The following DEAF1 variants were observed in gnomAD, a reference collection of about 807,000 sequenced individuals.
DEAF1 encodes the protein DEAF1 transcription factor, also known as deformed epidermal autoregulatory factor 1 homolog.
In DEAF1, 53 loss-of-function variants were observed where a neutral mutation model predicts 58.9. The ratio of observed to expected loss-of-function variants is 0.90; its 90% confidence interval spans 0.72 to 1.13. The LOEUF (loss-of-function observed/expected upper bound fraction) is 1.13, where lower values mean the gene tolerates loss of function less well. Among genes scored for constraint, DEAF1 ranks in the 50% most tolerant of loss-of-function variants. The pLI, the probability that DEAF1 is intolerant of heterozygous loss-of-function variation, is 0.00. For synonymous variants in DEAF1, 385 were observed against 340.4 expected, an observed-to-expected ratio of 1.13 and a Z score of -1.44; for missense variants, 685 against 791.4, an observed-to-expected ratio of 0.87 and a Z score of 1.61.
intron 6 of DEAF1, among the ~76,000 whole-genome samples, chr11:682,401 A>G (rs1164486554): frequency 6.6e-6 from 1 of 152,172 alleles, no homozygotes; most frequent in Non-Finnish European, 1.5e-5. Flanking sequence ...GCTGACCTAC[A>G]GTTTAGTTTC....
intron 1 of DEAF1, chr11:693,595 CTG>C (rs1860930757): frequency 6.6e-6 from 1 of 152,312 alleles, no homozygotes; most frequent in Non-Finnish European, 1.5e-5. Flanking sequence ...CAACACTGAG[CTG>C]TGAGTCCCTG....
rs150133378 is a variant in DEAF1, at chr11:670,127, C to T, written c.1503+4409G>A. On this transcript the variant is annotated intron_variant, in intron 10 of 11. Transcript: ENST00000382409. ...AGTGACTGTCCATGGGGCAGGGGACCGATGGAAGGGGACATGAGTGGTGCT... is the reference window on the plus strand; with the variant it reads ...AGTGACTGTCCATGGGGCAGGGGACTGATGGAAGGGGACATGAGTGGTGCT... Among the ~76,000 whole-genome samples, 229 of 151,106 alleles carry T rather than the reference C, an allele frequency of 1.5e-3. 2 individuals are homozygous for T. Among genetic ancestry groups the T allele is most frequent in the Middle Eastern group, 6.9e-3 (2 of 288 alleles).
chr11:682,997 G>A (rs1179943338), intron 6 of DEAF1, among the ~76,000 whole-genome samples: 1 of 152,186 alleles, frequency 6.6e-6, no homozygotes, highest in Non-Finnish European at 1.5e-5. Flanking sequence ...CAGAAAGGGA[G>A]GGAAGGAGCT....
intron 1 of DEAF1, chr11:705,493 G>T: frequency 6.5e-6 from 1 of 153,562 alleles, no homozygotes; most frequent in Non-Finnish European, 1.4e-5. Flanking sequence ...TGCAAGGAGA[G>T]AGGCATCCTG....
intron 10 of DEAF1, among the ~76,000 whole-genome samples, chr11:670,525 G>A (rs576648836): frequency 4.1e-4 from 62 of 151,186 alleles, no homozygotes; most frequent in African/African-American, 1.3e-3. Context: ...GACCAGCCTC[G>A]CCAACATGGC....
rs71022946 is a variant in DEAF1 at position 653,083 on chromosome 11, CAAAAAA to C, written c.1593+873_1593+878del. Among the ~76,000 whole-genome samples, 12 of 62,270 alleles carry C rather than the reference CAAAAAA, an allele frequency of 1.9e-4. No individual in the cohort carries two copies. The South Asian group carries it at 4.6e-3, about 24-fold the overall frequency. 40.9% of individuals were successfully genotyped at this position (62,270 alleles called of 152,430 possible). A position where few individuals can be genotyped will look rare whatever the true frequency, so the allele number is the denominator to read the frequency against. On this transcript the variant is annotated intron_variant, in intron 11 of 11. Transcript: ENST00000382409. ...TGGGTGACAGAATGAGACTCTGTCT[CAAAAAA>C]AAAAAAAAAAAAAAAAAAAAAGAGT...
At chr11:665,364 A>G (rs1859479713) in intron 10 of DEAF1, among the ~76,000 whole-genome samples, 2 of 152,210 alleles carry the variant, frequency 1.3e-5, no homozygotes, top group East Asian at 1.9e-4. Context: ...CAGCTATTCA[A>G]GTAATGGCTT....
intron 10 of DEAF1, among the ~76,000 whole-genome samples, chr11:660,190 C>T (rs1429822210): frequency 6.6e-6 from 1 of 152,222 alleles, no homozygotes; most frequent in African/African-American, 2.4e-5. Context: ...ACCCTCAAAA[C>T]ATCAAGCAGG....
rs200063885 is a variant in DEAF1, at chr11:650,672, G to T, written c.1593+3290C>A. Among the ~76,000 whole-genome samples the T allele has an allele frequency of 2.0e-4, 31 of 152,096 alleles. No homozygotes were observed. In the East Asian group the frequency reaches 5.9e-3, roughly 29 times the overall value. On this transcript the variant is annotated intron_variant, in intron 11 of 11. Transcript: ENST00000382409. ...AAAGGTTTTTTTTAAAAAGATGCAGGCTGGGCGCAGTGACTCATGCCTGTC... is the reference window on the plus strand; with the variant it reads ...AAAGGTTTTTTTTAAAAAGATGCAGTCTGGGCGCAGTGACTCATGCCTGTC...
intron 1 of DEAF1, chr11:700,932 G>A: frequency 3.4e-6 from 2 of 586,272 alleles, no homozygotes; most frequent in Non-Finnish European, 6.1e-6. Context: ...GAGAGACTCT[G>A]TGTTTGGAAG....
chr11:698,143 A>T (rs1861283810), upstream of DEAF1: 1 of 153,196 alleles, frequency 6.5e-6, no homozygotes, highest in African/African-American at 2.4e-5. Flanking sequence ...GGACGTGCAC[A>T]TATCACACGT....
At position 654,195 on chromosome 11, in the gene DEAF1, G is replaced by A. The variant is rs546086924; in HGVS notation, c.1504-144C>T. ...TTTTTTTTTTTTTTTTTGAGATGGA[G>A]TCTCACTCTGTCGCCCAGGCTGGAG... On this transcript the variant is annotated intron_variant, in intron 10 of 11. Coordinates refer to ENST00000382409, the MANE Select transcript of DEAF1 (RefSeq NM_021008.4). The A allele has an allele frequency of 7.5e-4, 478 of 635,142 alleles. 7 individuals carry two copies. The African/African-American group carries it at 9.2e-3, about 12-fold the overall frequency. 39.3% of individuals were successfully genotyped at this position (635,142 alleles called of 1,614,324 possible). A position where few individuals can be genotyped will look rare whatever the true frequency, so the allele number is the denominator to read the frequency against.
chr11:667,932 C>T (rs1300752477), intron 10 of DEAF1, among the ~76,000 whole-genome samples: 10 of 151,702 alleles, frequency 6.6e-5, no homozygotes, highest in Non-Finnish European at 1.0e-4. Flanking sequence ...AGCAACATGG[C>T]GAAACCCCGT....
rs540338041 is a variant in DEAF1, at chr11:648,250, T to A, written c.1594-3596A>T. Reference sequence around the variant, plus strand: ...CCCTTTGTCTCCCAGGCTGGAGTGCTGTGGCACGATCTCGGCTCACTGCAA... The same window carrying A: ...CCCTTTGTCTCCCAGGCTGGAGTGCAGTGGCACGATCTCGGCTCACTGCAA... On this transcript the variant is annotated intron_variant, in intron 11 of 11. Coordinates refer to ENST00000382409, the MANE Select transcript of DEAF1 (RefSeq NM_021008.4). 6.5e-3 allele frequency among the ~76,000 whole-genome samples: 978 copies of A among 149,690 alleles called. 6 individuals are homozygous for A. The highest frequency in any genetic ancestry group is 0.011 in the Non-Finnish European group (752 of 67,502).
chr11:688,978 CAG>C lies in DEAF1; in HGVS notation c.388-520_388-519del, dbSNP rs1860712801. On this transcript the variant is annotated intron_variant, in intron 2 of 11. Coordinates refer to ENST00000382409, the MANE Select transcript of DEAF1 (RefSeq NM_021008.4). This position sits in a 1 kb window ranked among gnomAD's most constrained non-coding sequence, Gnocchi z 4.3. ...CGGCACAGACCCCGCCACAGGAAGC[CAG>C]AGTCTCCATGCCCACACACCACTGC... Among the ~76,000 whole-genome samples, 2 of 152,292 alleles carry C rather than the reference CAG, an allele frequency of 1.3e-5. No homozygotes were observed. The highest frequency in any genetic ancestry group is 1.9e-4 in the East Asian group (1 of 5,180).
At chr11:695,864 G>A (rs1024671717), upstream of DEAF1, 7 of 1,226,928 alleles carry the variant, frequency 5.7e-6, no homozygotes, top group Admixed American at 2.1e-4. Context: ...CGGGCGGGGT[G>A]GGGGCTTCCG....
chr11:686,830 T>C (rs777206245), intron 5 of DEAF1, 28 bp downstream of exon 5: 26 of 1,613,808 alleles, frequency 1.6e-5, no homozygotes, highest in Non-Finnish European at 2.1e-5. Flanking sequence ...AACTGTGTGC[T>C]GAGCACAGGT....
At chr11:686,722 C>A in intron 5 of DEAF1, 136 bp downstream of exon 5, 2 of 1,183,962 alleles carry the variant, frequency 1.7e-6, no homozygotes, top group Non-Finnish European at 2.4e-6. Flanking sequence ...TCGCCCAAGG[C>A]CACACAGACA....
At chr11:682,352 G>A (rs1448012483) in intron 6 of DEAF1, among the ~76,000 whole-genome samples, 1 of 152,198 alleles carries the variant, frequency 6.6e-6, no homozygotes, top group Non-Finnish European at 1.5e-5. Context: ...TCCCAGATGG[G>A]TTCTTCGCTG....
Sources: gnomAD v4.1 joint callset for allele counts (sites outside exome capture counted in the v4.1 genomes callset) on GRCh38, gnomAD v4.1.1 for gene constraint, Gnocchi (gnomAD v3.1) non-coding constraint, MANE v1.5 for transcripts, NCBI Gene and HGNC (gene_info 2026-07-23, HGNC 2026-07-21) for gene names.